Variants in LIAS observed in about 807,000 individuals in gnomAD.
LIAS encodes lipoic acid synthetase, also known as lipoyl synthase, mitochondrial.
A neutral mutation model predicts 49.4 loss-of-function variants in LIAS; 36 were observed. That is an observed-to-expected ratio of 0.73 (90% CI 0.56 to 0.96). LIAS has a LOEUF of 0.96. Ranked by LOEUF, LIAS falls within the 40% of genes least tolerant of loss-of-function variation. The probability of loss-of-function intolerance (pLI) is 0.00; values close to 1 mark genes in which losing one functional copy is unlikely to be tolerated. For synonymous variants in LIAS, 145 were observed against 155.8 expected, an observed-to-expected ratio of 0.93 and a Z score of 0.52; for missense variants, 399 against 456.3, an observed-to-expected ratio of 0.87 and a Z score of 1.14.
In LIAS at chr4:39,470,010, G is replaced by A. The variant is rs1256747817; in HGVS notation, c.738-9G>A. ...AATTCTTGCTGACAACAGTCCTGCT[G>A]TTTTCCAGTAAGGTTCGTGATCCTC... is the stretch of plus-strand genomic sequence containing the variant. On this transcript the variant is annotated splice_polypyrimidine_tract_variant and intron_variant, in intron 7 of 10. Transcript: ENST00000640888. 4 of 1,603,302 alleles carry A rather than the reference G, an allele frequency of 2.5e-6. No homozygotes were observed. The highest frequency in any genetic ancestry group is 3.4e-6 in the Non-Finnish European group (4 of 1,172,566).
intron 3 of LIAS, among the ~76,000 whole-genome samples, 165 bp downstream of exon 3, chr4:39,462,454 G>A (rs765760071): frequency 6.6e-6 from 1 of 151,946 alleles, no homozygotes; most frequent in Non-Finnish European, 1.5e-5. Context: ...TCATTTTTCC[G>A]GCAAACAAAG....
Position 39,459,653 on chromosome 4 carries a change from A to G in LIAS, c.45+491A>G, listed in dbSNP as rs3775075. On this transcript the variant is annotated intron_variant, in intron 1 of 10. Coordinates refer to ENST00000640888, the MANE Select transcript of LIAS (RefSeq NM_006859.4). ...TCGTGGATTTTGTAGTGTTTTGGCTATCTCATACACGTTTGTGTTCAGATG... is the reference window on the plus strand; with the variant it reads ...TCGTGGATTTTGTAGTGTTTTGGCTGTCTCATACACGTTTGTGTTCAGATG... Among the ~76,000 whole-genome samples the G allele has an allele frequency of 7.5e-3, 1,144 of 152,346 alleles. 84 individuals carry two copies. The East Asian group carries it at 0.17, about 22-fold the overall frequency.
chr4:39,470,949 C>T (rs553441084), intron 8 of LIAS, among the ~76,000 whole-genome samples: 1 of 152,170 alleles, frequency 6.6e-6, no homozygotes, highest in African/African-American at 2.4e-5. Context: ...GACTCCTACT[C>T]TAAAATACCC....
intron 10 of LIAS, among the ~76,000 whole-genome samples, chr4:39,474,306 C>T (rs1192031608): frequency 6.7e-6 from 1 of 148,898 alleles, no homozygotes; most frequent in East Asian, 2.0e-4. Flanking sequence ...GGCAAGGTGG[C>T]TCATGCCTGT....
chr4:39,473,006 G>A (rs1007956253), intron 9 of LIAS, 94 bp from the exon 10 acceptor site: 22 of 691,818 alleles, frequency 3.2e-5, no homozygotes, highest in African/African-American at 2.2e-4. Context: ...GATAAATTAC[G>A]CAGTGAAGAG....
rs1316280103 is a variant in LIAS at position 39,477,577 on chromosome 4, T to A, written c.*462T>A. 6.5e-6 allele frequency: 1 copy of A among 153,638 alleles called. No individual in the cohort carries two copies. Among genetic ancestry groups the A allele is most frequent in the Non-Finnish European group, 1.4e-5 (1 of 69,234 alleles). The allele number at this position is 153,638 out of a possible 1,614,324, so 9.5% of individuals were successfully genotyped here. On this transcript the variant is annotated 3_prime_UTR_variant, in exon 11 of 11. Transcript: ENST00000640888. ...AGTCAATAAACTGTACAAATTTAAT[T>A]ACAGTAATTCATTTGGCTTTTAGTG...
At chr4:39,467,486 C>A in intron 6 of LIAS, 32 bp from the exon 7 acceptor site, 1 of 1,542,154 alleles carries the variant, frequency 6.5e-7, no homozygotes, top group South Asian at 1.2e-5. Context: ...AGTTCTTTCT[C>A]TCTGTTTGAT....
In LIAS at chr4:39,478,071, T is replaced by TA; in HGVS notation, c.*957dup. The TA allele has an allele frequency of 6.6e-6, 1 of 152,278 alleles. No individual in the cohort carries two copies. The highest frequency in any genetic ancestry group is 2.4e-5 in the African/African-American group (1 of 41,482). 9.4% of individuals were successfully genotyped at this position (152,278 alleles called of 1,614,324 possible). On this transcript the variant is annotated 3_prime_UTR_variant, in exon 11 of 11. Transcript: ENST00000640888. Reference sequence around the variant, plus strand: ...TGAAAAATAAAAACTTCATTTATGTTACTGTGATGAAACAGTCAACATAGA... The same window carrying TA: ...TGAAAAATAAAAACTTCATTTATGTTAACTGTGATGAAACAGTCAACATAGA...
chr4:39,472,746 C>G (rs1427345298), intron 9 of LIAS, among the ~76,000 whole-genome samples: 1 of 152,146 alleles, frequency 6.6e-6, no homozygotes, highest in African/African-American at 2.4e-5. Context: ...ACAGTCTTGT[C>G]CTCAAGAATC....
intron 10 of LIAS, chr4:39,476,736 T>A (rs2109893455): frequency 5.2e-6 from 1 of 191,392 alleles, no homozygotes; most frequent in East Asian, 1.5e-4. Context: ...AGCAATACTT[T>A]GACAGTGATG....
rs796052702 is a variant in LIAS at position 39,462,269 on chromosome 4, C to T, written c.292C>T (p.Arg98Trp). The change falls in exon 3 of 11, where the codon CGG (arginine) becomes TGG (tryptophan). Residue 98 changes from arginine (R) to tryptophan (W), a missense_variant. Transcript: ENST00000640888. ...KNYNKLKNTL[R>W]NLNLHTVCEE... ...TTACAATAAACTGAAAAATACTTTGCGGAATTTAAATCTCCATACAGTAAG... is the reference window on the plus strand; with the variant it reads ...TTACAATAAACTGAAAAATACTTTGTGGAATTTAAATCTCCATACAGTAAG... The T allele has an allele frequency of 7.1e-6, 11 of 1,556,356 alleles. No homozygotes were observed. Among genetic ancestry groups the T allele is most frequent in the Non-Finnish European group, 9.6e-6 (11 of 1,150,294 alleles).
At chr4:39,464,587 C>T (rs1180810103) in intron 4 of LIAS, among the ~76,000 whole-genome samples, 1 of 152,164 alleles carries the variant, frequency 6.6e-6, no homozygotes, top group Non-Finnish European at 1.5e-5. Context: ...GCCTCGAACT[C>T]CTAGGCTCAA....
At chr4:39,459,332 GAT>G in intron 1 of LIAS, 170 bp downstream of exon 1, 1 of 629,948 alleles carries the variant, frequency 1.6e-6, no homozygotes, top group East Asian at 2.7e-5. Context: ...CCAGCCCCAT[GAT>G]ATAGAGTCTC....
At position 39,459,084 on chromosome 4, in the gene LIAS, T is replaced by C; in HGVS notation, c.-34T>C. Reference sequence around the variant, plus strand: ...TCCTTTCCCGGGAGTTAGCGATCCCTCAACCCCTGCACTGCGCTAGTCCTA... The same window carrying C: ...TCCTTTCCCGGGAGTTAGCGATCCCCCAACCCCTGCACTGCGCTAGTCCTA... On this transcript the variant is annotated 5_prime_UTR_variant, in exon 1 of 11. Coordinates refer to ENST00000640888, the MANE Select transcript of LIAS (RefSeq NM_006859.4). The C allele has an allele frequency of 1.2e-6, 2 of 1,613,562 alleles. No homozygotes were observed. Among genetic ancestry groups the C allele is most frequent in the Non-Finnish European group, 1.7e-6 (2 of 1,179,484 alleles).
chr4:39,465,170 A>G lies in LIAS; in HGVS notation c.518A>G (p.Asp173Gly). ...TAKAIAEWGL[D>G]YVVLTSVDRD... ...AAGGCAATTGCAGAATGGGGTCTGG[A>G]TTATGTTGTCCTGACATCTGTGGAT... The change falls in exon 5 of 11, where the codon GAT becomes GGT. Residue 173 changes from aspartate (D) to glycine (G), a missense_variant. Asp to Gly is a moderately conservative substitution (Grantham distance 94, BLOSUM62 -1). This residue lies in a region of LIAS where 234 missense variants were observed against 292.2 expected (regional missense o/e 0.80). Transcript: ENST00000640888. 6.2e-7 allele frequency: 1 copy of G among 1,614,178 alleles called. No homozygotes were observed. Among genetic ancestry groups the G allele is most frequent in the Non-Finnish European group, 8.5e-7 (1 of 1,180,014 alleles).
At chr4:39,467,727 C>T in intron 7 of LIAS, 81 bp downstream of exon 7, 1 of 1,304,212 alleles carries the variant, frequency 7.7e-7, no homozygotes, top group Non-Finnish European at 1.0e-6. Context: ...CAGGGCTGAA[C>T]TTTGCCATTG....
chr4:39,462,263 A>T lies in LIAS; in HGVS notation c.286A>T (p.Thr96Ser). The change falls in exon 3 of 11, where the codon ACT (threonine) becomes TCT (serine). Residue 96 changes from threonine (T) to serine (S), a missense_variant. By Grantham distance (58) the Thr-to-Ser change is moderately conservative (BLOSUM62 1). Transcript: ENST00000640888. ...GAAAAATTACAATAAACTGAAAAAT[A>T]CTTTGCGGAATTTAAATCTCCATAC... ...MGKNYNKLKN[T>S]LRNLNLHTVC... The T allele has an allele frequency of 1.3e-6, 2 of 1,564,090 alleles. No individual in the cohort carries two copies. The highest frequency in any genetic ancestry group is 1.7e-6 in the Non-Finnish European group (2 of 1,156,054).
intron 9 of LIAS, 150 bp from the exon 10 acceptor site, chr4:39,472,949 CG>C (rs908692698): frequency 1.8e-6 from 1 of 561,528 alleles, no homozygotes; most frequent in African/African-American, 1.9e-5. Context: ...CCAGTAAACA[CG>C]TAGTCAGGGA....
chr4:39,473,563 AATACAT>A (rs1745071313), intron 10 of LIAS: 1 of 164,788 alleles, frequency 6.1e-6, no homozygotes. Context: ...TTTTCTGAGA[AATACAT>A]ATTTATTTGG....
Sources: gnomAD v4.1 joint callset for allele counts (sites outside exome capture counted in the v4.1 genomes callset) on GRCh38, gnomAD v4.1.1 for gene constraint, gnomAD v4.1.1 regional missense constraint, MANE v1.5 for transcripts, NCBI Gene and HGNC (gene_info 2026-07-23, HGNC 2026-07-21) for gene names.